RAB27A: variants seen among roughly 807,000 people sequenced by gnomAD.
RAB27A encodes the protein RAB27A, member RAS oncogene family, also known as ras-related protein Rab-27A.
In RAB27A, 17 loss-of-function variants were observed where a neutral mutation model predicts 20.8. The observed-to-expected ratio is 0.82, with a 90% CI of 0.56 to 1.23. The LOEUF is 1.23. Ranked by LOEUF, RAB27A falls within the 50% of genes most tolerant of loss-of-function variation. The pLI is 0.00. For missense variants in RAB27A, 277 were observed against 266.7 expected, an observed-to-expected ratio of 1.04 and a Z score of -0.27; for synonymous variants, 85 against 92.8, an observed-to-expected ratio of 0.92 and a Z score of 0.48.
chr15:55,281,343 A>C (rs1009089538), intron 1 of RAB27A, among the ~76,000 whole-genome samples: 3 of 152,130 alleles, frequency 2.0e-5, no homozygotes, highest in African/African-American at 7.2e-5. Flanking sequence ...CACTGTCCTC[A>C]AAAAAAGGAA....
chr15:55,313,235 G>A (rs540067885), intron 2 of RAB27A, among the ~76,000 whole-genome samples: 1 of 152,206 alleles, frequency 6.6e-6, no homozygotes, highest in Non-Finnish European at 1.5e-5. Flanking sequence ...AGGCCACAGA[G>A]TGAGACCCCA....
At chr15:55,212,712 G>A in intron 6 of RAB27A, among the ~76,000 whole-genome samples, 1 of 151,928 alleles carries the variant, frequency 6.6e-6, no homozygotes, top group Non-Finnish European at 1.5e-5. Context: ...TGTATTTTTA[G>A]TACAGACGGT....
intron 2 of RAB27A, among the ~76,000 whole-genome samples, chr15:55,250,037 A>T (rs181419504): frequency 4.9e-4 from 75 of 152,136 alleles, no homozygotes; most frequent in Admixed American, 3.6e-3. Flanking sequence ...TCTCGGGCTC[A>T]CTGAAACCAC....
At chr15:55,264,177 A>G (rs1251467622) in intron 2 of RAB27A, among the ~76,000 whole-genome samples, 1 of 152,092 alleles carries the variant, frequency 6.6e-6, no homozygotes, top group African/African-American at 2.4e-5. Flanking sequence ...CAGCCTCCCA[A>G]GTAGTTGGGA....
At chr15:55,302,460 A>G (rs1027524096) in intron 2 of RAB27A, among the ~76,000 whole-genome samples, 1 of 152,050 alleles carries the variant, frequency 6.6e-6, no homozygotes, top group Non-Finnish European at 1.5e-5. Context: ...TTGGCCTCCC[A>G]AAGTGCCGAG....
In RAB27A at chr15:55,270,237, A is replaced by G. The variant is rs1186631697; in HGVS notation, c.-95T>C. On this transcript the variant is annotated 5_prime_UTR_variant, in exon 2 of 7. Coordinates refer to ENST00000336787, the MANE Select transcript of RAB27A (RefSeq NM_183235.3). ...GACTGGAGTTACCAATGCTTCAACA[A>G]TTGACAACTTCCAATCACATGTCCT... The G allele has an allele frequency of 6.6e-6, 1 of 152,178 alleles. No individual in the cohort carries two copies. The highest frequency in any genetic ancestry group is 1.9e-4 in the East Asian group (1 of 5,200). 9.4% of individuals were successfully genotyped at this position (152,178 alleles called of 1,614,324 possible). A position where few individuals can be genotyped will look rare whatever the true frequency, so the allele number is the denominator to read the frequency against.
intron 2 of RAB27A, among the ~76,000 whole-genome samples, chr15:55,312,069 G>A (rs1484765504): frequency 6.6e-6 from 1 of 152,220 alleles, no homozygotes. Flanking sequence ...GGAACCCAGT[G>A]ACTAGTGTTC....
chr15:55,284,646 T>C (rs1336171205), intron 1 of RAB27A, among the ~76,000 whole-genome samples: 2 of 152,102 alleles, frequency 1.3e-5, no homozygotes, highest in Non-Finnish European at 2.9e-5. Context: ...GATAATGAGG[T>C]GATCTTGAGT....
chr15:55,285,761 T>C (rs1381314353), intron 1 of RAB27A, among the ~76,000 whole-genome samples: 3 of 152,226 alleles, frequency 2.0e-5, no homozygotes. Context: ...AAACCCCGTT[T>C]CTATTGAATA....
intron 2 of RAB27A, among the ~76,000 whole-genome samples, chr15:55,248,369 T>G (rs1285183741): frequency 6.6e-6 from 1 of 152,158 alleles, no homozygotes; most frequent in East Asian, 1.9e-4. Context: ...CAAACTCCGG[T>G]TTGCATGTGC....
chr15:55,317,730 T>A (rs1277655788), intron 1 of RAB27A: 4 of 398,462 alleles, frequency 1.0e-5, no homozygotes, highest in Non-Finnish European at 1.8e-5. Flanking sequence ...AAATATATAC[T>A]CCTCCAGCAA....
chr15:55,264,600 T>C (rs2141079614), intron 2 of RAB27A, among the ~76,000 whole-genome samples: 1 of 152,268 alleles, frequency 6.6e-6, no homozygotes, highest in East Asian at 1.9e-4. Flanking sequence ...AAAATATATA[T>C]TAAATGTACT....
chr15:55,245,448 T>C (rs1485894612), intron 2 of RAB27A, among the ~76,000 whole-genome samples: 1 of 152,252 alleles, frequency 6.6e-6, no homozygotes, highest in African/African-American at 2.4e-5. Flanking sequence ...CTTTCTTGTT[T>C]CTTATTAAAA....
intron 2 of RAB27A, among the ~76,000 whole-genome samples, chr15:55,249,579 G>A (rs1743920696): frequency 6.6e-6 from 1 of 152,130 alleles, no homozygotes; most frequent in African/African-American, 2.4e-5. Flanking sequence ...CCATGCCCGG[G>A]CTGAATTAAG....
Position 55,234,298 on chromosome 15 carries a change from T to G in RAB27A, c.153+484A>C, listed in dbSNP as rs138781618. Among the ~76,000 whole-genome samples, 50 of 152,314 alleles carry G rather than the reference T, an allele frequency of 3.3e-4. 1 individual carries two copies. The East Asian group carries it at 9.4e-3, about 29-fold the overall frequency. On this transcript the variant is annotated intron_variant, in intron 3 of 6. Transcript: ENST00000336787. ...TTCTGCAGAACATCACATTCACTAC[T>G]GGCATTCCCCACTCCTACTCCAACC...
chr15:55,264,426 A>C (rs1897387477), intron 2 of RAB27A, among the ~76,000 whole-genome samples: 1 of 152,150 alleles, frequency 6.6e-6, no homozygotes, highest in South Asian at 2.1e-4. Flanking sequence ...AACCTCTATA[A>C]GCTAGAATAG....
intron 2 of RAB27A, among the ~76,000 whole-genome samples, chr15:55,258,706 T>C (rs1341575673): frequency 2.0e-5 from 3 of 152,242 alleles, no homozygotes; most frequent in Non-Finnish European, 4.4e-5. Context: ...TGGTAACACA[T>C]TGTGATCTAA....
At chr15:55,252,585 G>C (rs1419368787) in intron 2 of RAB27A, among the ~76,000 whole-genome samples, 1 of 152,114 alleles carries the variant, frequency 6.6e-6, no homozygotes, top group Non-Finnish European at 1.5e-5. Context: ...CTGGGCGACA[G>C]AGTGAGATTC....
intron 1 of RAB27A, among the ~76,000 whole-genome samples, chr15:55,318,283 G>C (rs1424646938): frequency 6.6e-6 from 1 of 151,208 alleles, no homozygotes; most frequent in Non-Finnish European, 1.5e-5. Flanking sequence ...ATTTTTTGTA[G>C]AGACGGGGTT....
Sources: gnomAD v4.1 joint callset for allele counts (sites outside exome capture counted in the v4.1 genomes callset) on GRCh38, gnomAD v4.1.1 for gene constraint, MANE v1.5 for transcripts, NCBI Gene and HGNC (gene_info 2026-07-23, HGNC 2026-07-21) for gene names.